Variants in SEM1 observed in about 807,000 individuals in gnomAD.
The protein encoded by SEM1 is 26S proteasome complex subunit SEM1.
A neutral mutation model predicts 12.7 loss-of-function variants in SEM1; 3 were observed. The observed-to-expected ratio is 0.24, with a 90% confidence interval of 0.11 to 0.61. The LOEUF is 0.61. Among genes scored for constraint, SEM1 ranks in the 20% least tolerant of loss-of-function variants. SEM1 has a pLI of 0.88. For synonymous variants in SEM1, 30 were observed against 27.8 expected, an observed-to-expected ratio of 1.08 and a Z score of -0.25; for missense variants, 59 against 81.3, an observed-to-expected ratio of 0.73 and a Z score of 1.06.
downstream of SEM1, among the ~76,000 whole-genome samples, chr7:96,671,135 C>A (rs763829432): frequency 5.1e-4 from 78 of 152,262 alleles, no homozygotes; most frequent in Non-Finnish European, 1.0e-3. Flanking sequence ...AACACAATGT[C>A]CACAGCTATT....
At chr7:96,666,139 C>G (rs1343301849) in intron 2 of SEM1, among the ~76,000 whole-genome samples, 1 of 152,198 alleles carries the variant, frequency 6.6e-6, no homozygotes, top group Non-Finnish European at 1.5e-5. Context: ...CTTACAGACA[C>G]AGCCAAGGCC....
chr7:96,541,562 G>A lies in SEM1; in HGVS notation c.171-34864C>T, dbSNP rs914313428. 4.1e-5 allele frequency among the ~76,000 whole-genome samples: 6 copies of A among 148,016 alleles called. No homozygotes were observed. The Admixed American group carries it at 4.1e-4, about 10-fold the overall frequency. ...ATTCTGTAGGTTGTCTGTTTACTAT[G>A]TTGACAGTTTCTCTTGTTGTGCAGA... On this transcript the variant is annotated intron_variant and NMD_transcript_variant, in intron 2 of 3. Coordinates refer to the SEM1 transcript ENST00000466986.
chr7:96,706,700 AAAAG>A (rs1332260467), intron 1 of SEM1, among the ~76,000 whole-genome samples: 1 of 152,168 alleles, frequency 6.6e-6, no homozygotes, highest in Non-Finnish European at 1.5e-5. Flanking sequence ...CGCCACTCCC[AAAAG>A]AAAGACCCAC....
intron 2 of SEM1, among the ~76,000 whole-genome samples, chr7:96,683,401 T>C (rs1388756909): frequency 6.6e-6 from 1 of 151,374 alleles, no homozygotes; most frequent in South Asian, 2.1e-4. Context: ...CCAGAGAGGA[T>C]GTGGAGAAAT....
At chr7:96,525,010 C>T (rs551607982) in intron 2 of SEM1, among the ~76,000 whole-genome samples, 35 of 152,254 alleles carry the variant, frequency 2.3e-4, no homozygotes, top group African/African-American at 8.2e-4. Flanking sequence ...TCAACAGCCA[C>T]AGACTGCTGG....
At chr7:96,548,999 G>A (rs1273966510) in intron 2 of SEM1, among the ~76,000 whole-genome samples, 1 of 152,122 alleles carries the variant, frequency 6.6e-6, no homozygotes, top group African/African-American at 2.4e-5. Context: ...TAGTCACAGA[G>A]GACACCTGGG....
intron 2 of SEM1, among the ~76,000 whole-genome samples, chr7:96,542,466 T>C (rs1489168425): frequency 6.6e-6 from 1 of 151,906 alleles, no homozygotes; most frequent in African/African-American, 2.4e-5. Flanking sequence ...GAAACTTTAC[T>C]GAAGTCTTTT....
At chr7:96,602,482 G>A (rs529525065) in intron 2 of SEM1, among the ~76,000 whole-genome samples, 58 of 152,142 alleles carry the variant, frequency 3.8e-4, no homozygotes, top group African/African-American at 1.3e-3. Context: ...CAATATCTCC[G>A]TCAGACTGGT....
intron 2 of SEM1, chr7:96,656,701 G>C (rs1378511889): frequency 6.6e-6 from 1 of 151,926 alleles, no homozygotes; most frequent in Non-Finnish European, 1.5e-5. Flanking sequence ...GGTAAAAGAT[G>C]AAGTGATAAA....
chr7:96,525,479 A>G (rs889537133), intron 2 of SEM1, among the ~76,000 whole-genome samples: 1 of 152,114 alleles, frequency 6.6e-6, no homozygotes, highest in African/African-American at 2.4e-5. Context: ...AGAAGACTGG[A>G]AGTGAGTTCT....
upstream of SEM1, among the ~76,000 whole-genome samples, chr7:96,501,074 C>T (rs1048471513): frequency 2.0e-5 from 3 of 151,968 alleles, no homozygotes; most frequent in Non-Finnish European, 2.9e-5. Flanking sequence ...TCTTCAATAT[C>T]GTGACAAGTT....
intron 2 of SEM1, among the ~76,000 whole-genome samples, chr7:96,516,924 A>T (rs564638833): frequency 1.3e-5 from 2 of 152,300 alleles, no homozygotes; most frequent in Middle Eastern, 3.4e-3. Context: ...CCATGAAAAG[A>T]TGTGGAAGAA....
At chr7:96,490,573 G>A (rs1802966488) in intron 1 of SEM1, among the ~76,000 whole-genome samples, 1 of 152,140 alleles carries the variant, frequency 6.6e-6, no homozygotes, top group Non-Finnish European at 1.5e-5. Context: ...AGACCACAGG[G>A]GTGTCTCTTT....
chr7:96,669,516 G>T (rs1035630923), downstream of SEM1, among the ~76,000 whole-genome samples: 1 of 152,080 alleles, frequency 6.6e-6, no homozygotes, highest in Admixed American at 6.6e-5. Context: ...TTAGCTCTTA[G>T]GCCACACAAA....
chr7:96,648,323 G>A (rs1338793669), intron 2 of SEM1, among the ~76,000 whole-genome samples: 1 of 152,118 alleles, frequency 6.6e-6, no homozygotes, highest in Non-Finnish European at 1.5e-5. Flanking sequence ...AGAAGGGAGT[G>A]AGAAACATAA....
chr7:96,621,158 T>C (rs1172115189), downstream of SEM1, among the ~76,000 whole-genome samples: 5 of 151,714 alleles, frequency 3.3e-5, no homozygotes, highest in Non-Finnish European at 5.9e-5. Flanking sequence ...GTAGATTGAT[T>C]GTCCTGGAAG....
At chr7:96,571,678 C>T (rs1403751707) in intron 2 of SEM1, among the ~76,000 whole-genome samples, 2 of 151,882 alleles carry the variant, frequency 1.3e-5, no homozygotes, top group African/African-American at 2.4e-5. Context: ...TTTTGATGTG[C>T]TGCTGGATTC....
In SEM1 at chr7:96,694,786, C is replaced by T. The variant is rs1373745462; in HGVS notation, c.170+12G>A. On this transcript the variant is annotated intron_variant, in intron 2 of 2. Transcript: ENST00000248566. ...ATACTGAACTACAATAAAAATCTGGCTTAAAACTTACCGTAACTGATTAGA... is the reference window on the plus strand; with the variant it reads ...ATACTGAACTACAATAAAAATCTGGTTTAAAACTTACCGTAACTGATTAGA... 2 of 1,564,854 alleles carry T rather than the reference C, an allele frequency of 1.3e-6. No homozygotes were observed. The highest frequency in any genetic ancestry group is 3.3e-5 in the Admixed American group (2 of 59,736).
intron 1 of SEM1, among the ~76,000 whole-genome samples, chr7:96,494,939 A>G (rs1013794144): frequency 2.3e-5 from 3 of 131,922 alleles, no homozygotes; most frequent in Admixed American, 7.8e-5. Flanking sequence ...ATAGCATTGG[A>G]AGATTATTCT....
Sources: gnomAD v4.1 joint callset for allele counts (sites outside exome capture counted in the v4.1 genomes callset) on GRCh38, gnomAD v4.1.1 for gene constraint, MANE v1.5 for transcripts, NCBI Gene and HGNC (gene_info 2026-07-23, HGNC 2026-07-21) for gene names.